Variants in MROH2B observed in about 807,000 individuals in gnomAD.
MROH2B encodes maestro heat like repeat family member 2B, also known as maestro heat-like repeat-containing protein family member 2B.
A neutral mutation model predicts 208.6 loss-of-function variants in MROH2B; 177 were observed. That is an observed-to-expected ratio of 0.85 (90% confidence interval 0.75 to 0.96). MROH2B has a LOEUF of 0.96. Among genes scored for constraint, MROH2B ranks in the 40% least tolerant of loss-of-function variants. The pLI is 0.00. For synonymous variants in MROH2B, 728 were observed against 659.0 expected (o/e 1.10, Z -1.60); for missense variants, 2,002 against 1,878.7 (o/e 1.07, Z -1.21).
At chr5:41,026,605 T>C (rs1387266447) in intron 24 of MROH2B, among the ~76,000 whole-genome samples, 1 of 152,176 alleles carries the variant, frequency 6.6e-6, no homozygotes, top group Non-Finnish European at 1.5e-5. Flanking sequence ...AAAATGGCCA[T>C]ACTGCCCAAG....
At chr5:41,031,117 T>C (rs1293222393) in intron 24 of MROH2B, among the ~76,000 whole-genome samples, 2 of 152,130 alleles carry the variant, frequency 1.3e-5, no homozygotes, top group South Asian at 2.1e-4. Flanking sequence ...TATAAAGAAA[T>C]ACCCGAGACT....
In MROH2B at chr5:40,998,185, T is replaced by C. The variant is rs1741270736; in HGVS notation, c.4652-27A>G. 3 of 1,571,816 alleles carry C rather than the reference T, an allele frequency of 1.9e-6. No homozygotes were observed. In the African/African-American group the frequency reaches 4.0e-5, roughly 21 times the overall value. The stretch of plus-strand genomic sequence containing the variant: ...TGAAATGGCAAGAATAGCAAATAAG[T>C]GGAGGAGGAGAGTCAGAGCCCAGCA... On this transcript the variant is annotated intron_variant, in intron 41 of 41. Transcript: ENST00000399564.
At chr5:41,006,498 G>A (rs1426125843) in intron 34 of MROH2B, among the ~76,000 whole-genome samples, 1 of 152,004 alleles carries the variant, frequency 6.6e-6, no homozygotes, top group Non-Finnish European at 1.5e-5. Flanking sequence ...TCTACCCAGA[G>A]GAAAAGAAAT....
At chr5:41,052,808 A>G (rs1030696151) in intron 11 of MROH2B, among the ~76,000 whole-genome samples, 1 of 152,226 alleles carries the variant, frequency 6.6e-6, no homozygotes, top group Non-Finnish European at 1.5e-5. Context: ...AAATGTTTGC[A>G]TTAAACTTAC....
Position 41,071,176 on chromosome 5 carries a change from T to C in MROH2B, c.-324A>G, listed in dbSNP as rs1272629512. Reference sequence around the variant, plus strand: ...GGAAAGAAGTAATTAGAGACTGGGATTCAAACCATTGTTGCAGACCAAAGG... The same window carrying C: ...GGAAAGAAGTAATTAGAGACTGGGACTCAAACCATTGTTGCAGACCAAAGG... On this transcript the variant is annotated 5_prime_UTR_variant, in exon 1 of 42. Coordinates refer to ENST00000399564, the MANE Select transcript of MROH2B (RefSeq NM_173489.5). The C allele has an allele frequency of 3.5e-6, 1 of 289,798 alleles. No individual in the cohort carries two copies. The highest frequency in any genetic ancestry group is 6.5e-6 in the Non-Finnish European group (1 of 153,888). 18.0% of individuals were successfully genotyped at this position (289,798 alleles called of 1,614,324 possible). A position where few individuals can be genotyped will look rare whatever the true frequency, so the allele number is the denominator to read the frequency against.
intron 21 of MROH2B, chr5:41,034,220 A>G (rs868615480): frequency 1.6e-5 from 4 of 253,422 alleles, no homozygotes; most frequent in African/African-American, 2.3e-5. Context: ...GCGAAAAACT[A>G]TAAAATGAAA....
chr5:41,070,917 A>G lies in MROH2B; in HGVS notation c.-65T>C. 4 of 1,550,664 alleles carry G rather than the reference A, an allele frequency of 2.6e-6. No homozygotes were observed. Among genetic ancestry groups the G allele is most frequent in the Non-Finnish European group, 3.5e-6 (4 of 1,134,258 alleles). On this transcript the variant is annotated 5_prime_UTR_variant, in exon 1 of 42. Transcript: ENST00000399564. ...GTATTAGAAATAGTAAGGCTAAAAA[A>G]TCAAAGAGGCAGGTTGGCAAGTTTC...
intron 34 of MROH2B, among the ~76,000 whole-genome samples, chr5:41,005,903 C>T (rs1032434011): frequency 6.6e-5 from 10 of 151,584 alleles, no homozygotes; most frequent in South Asian, 2.1e-4. Context: ...TGGTGGTGTG[C>T]TCCTGTAGTC....
rs1490678456 is a variant in MROH2B, at chr5:41,057,300, T to C, written c.817A>G (p.Arg273Gly). Residue 273 changes from arginine (R) to glycine (G), a missense_variant, in exon 8 of 42, where the codon AGA becomes GGA. Physicochemically the swap from Arg to Gly is moderately radical, Grantham distance 125 (BLOSUM62 -2). Transcript: ENST00000399564. ...AGTAAATTGATAAAGATGGATCTTC[T>C]CAAGCTCCTTGGAAGGCCAATGTCA... ...LYDIGLPRSL[R>G]RSIFINLLQQ... 1.3e-6 allele frequency: 2 copies of C among 1,596,628 alleles called. No homozygotes were observed. The highest frequency in any genetic ancestry group is 1.8e-5 in the Admixed American group (1 of 56,822).
Position 41,047,770 on chromosome 5 carries a change from A to C in MROH2B, c.1685-6T>G. The C allele has an allele frequency of 2.5e-6, 4 of 1,583,252 alleles. No homozygotes were observed. The highest frequency in any genetic ancestry group is 3.4e-6 in the Non-Finnish European group (4 of 1,163,352). Reference sequence around the variant, plus strand: ...AACGGTACTGATGTTCTTTCCTAGAAACAAAAATTGATGTAATAATCGCAA... The same window carrying C: ...AACGGTACTGATGTTCTTTCCTAGACACAAAAATTGATGTAATAATCGCAA... On this transcript the variant is annotated splice_region_variant and splice_polypyrimidine_tract_variant and intron_variant, in intron 16 of 41. Transcript: ENST00000399564.
Position 41,010,076 on chromosome 5 carries a change from A to T in MROH2B, c.3139T>A (p.Leu1047Met). ...QQGAALEDQL[L>M]EILGTIYHHM... ...TGGTAGATTGTGCCTAAGATCTCCAATAGCTAAAGAGAAAAAAGCCAAGTC... is the reference window on the plus strand; with the variant it reads ...TGGTAGATTGTGCCTAAGATCTCCATTAGCTAAAGAGAAAAAAGCCAAGTC... The change falls in exon 31 of 42, where the codon TTG (leucine) becomes ATG (methionine). Residue 1047 changes from leucine (L) to methionine (M), a missense_variant. Transcript: ENST00000399564. The T allele has an allele frequency of 1.2e-6, 2 of 1,612,548 alleles. No homozygotes were observed. Among genetic ancestry groups the T allele is most frequent in the African/African-American group, 1.3e-5 (1 of 74,894 alleles).
chr5:41,041,598 C>A (rs553432759), intron 19 of MROH2B, among the ~76,000 whole-genome samples: 2 of 152,068 alleles, frequency 1.3e-5, no homozygotes, highest in African/African-American at 2.4e-5. Context: ...CACTCCACCC[C>A]GGGTGACAGA....
Position 41,065,145 on chromosome 5 carries a change from G to A in MROH2B, c.361+186C>T, listed in dbSNP as rs143284722. ...GAGTGGCCAAATTCAGAGCAGTCTGGACTAGTGGCTGGGCAGCAGAATCAT... is the reference window on the plus strand; with the variant it reads ...GAGTGGCCAAATTCAGAGCAGTCTGAACTAGTGGCTGGGCAGCAGAATCAT... On this transcript the variant is annotated intron_variant, in intron 4 of 41. Transcript: ENST00000399564. 2.0e-5 allele frequency among the ~76,000 whole-genome samples: 3 copies of A among 152,308 alleles called. No homozygotes were observed. The East Asian group carries it at 5.8e-4, about 29-fold the overall frequency.
At chr5:41,069,500 G>A (rs75833824) in intron 2 of MROH2B, among the ~76,000 whole-genome samples, 191 bp downstream of exon 2, 3,736 of 152,166 alleles carry the variant, frequency 0.025, 47 homozygotes, top group Non-Finnish European at 0.025. Flanking sequence ...TAGATGCTGT[G>A]ATTCTTGAAA....
chr5:41,003,805 A>C (rs539264602), intron 37 of MROH2B, among the ~76,000 whole-genome samples: 1 of 152,322 alleles, frequency 6.6e-6, no homozygotes, highest in African/African-American at 2.4e-5. Flanking sequence ...AGATTTTTAC[A>C]TTGATGGCAA....
chr5:41,035,242 T>C (rs1742717390), intron 21 of MROH2B, among the ~76,000 whole-genome samples: 1 of 151,844 alleles, frequency 6.6e-6, no homozygotes, highest in South Asian at 2.1e-4. Flanking sequence ...AACAGACACA[T>C]AAACCAATAG....
intron 5 of MROH2B, 122 bp from the exon 6 acceptor site, chr5:41,061,846 G>A (rs1242454920): frequency 1.7e-5 from 18 of 1,080,592 alleles, no homozygotes; most frequent in South Asian, 8.1e-5. Context: ...ATGATCTTAC[G>A]ACTGCATCAA....
intron 5 of MROH2B, among the ~76,000 whole-genome samples, chr5:41,063,811 A>T (rs965923644): frequency 2.0e-5 from 3 of 152,140 alleles, no homozygotes; most frequent in Admixed American, 6.6e-5. Context: ...CTCATCCAAG[A>T]AACTTCCCTG....
intron 6 of MROH2B, among the ~76,000 whole-genome samples, chr5:41,059,915 A>C (rs185620358): frequency 6.6e-6 from 1 of 152,116 alleles, no homozygotes; most frequent in Non-Finnish European, 1.5e-5. Flanking sequence ...TATAAGTCCA[A>C]TTTTTGCTCT....
Sources: allele counts gnomAD v4.1 joint callset (sites outside exome capture counted in the v4.1 genomes callset), GRCh38; gene constraint gnomAD v4.1.1; transcripts MANE v1.5; gene names NCBI Gene and HGNC (gene_info 2026-07-23, HGNC 2026-07-21).